MYBL1: variants seen among roughly 807,000 people sequenced by gnomAD.
MYBL1 encodes the protein MYB proto-oncogene like 1, also known as myb-related protein A.
Under a neutral mutation model 96.3 loss-of-function variants are expected in MYBL1, and 17 were observed. That is an observed-to-expected ratio of 0.18 (90% confidence interval 0.12 to 0.26). The LOEUF (loss-of-function observed/expected upper bound fraction) is 0.26, where lower values mean the gene tolerates loss of function less well. MYBL1 is among the 10% of genes least tolerant of loss of function. The pLI, the probability that MYBL1 is intolerant of heterozygous loss-of-function variation, is 1.00. For synonymous variants in MYBL1, 282 were observed against 292.7 expected (o/e 0.96, Z 0.37); for missense variants, 701 against 882.9 (o/e 0.79, Z 2.61).
In MYBL1 at chr8:66,593,168, A is replaced by G; in HGVS notation, c.714T>C (p.Pro238=). 1 of 1,588,372 alleles carries G rather than the reference A, an allele frequency of 6.3e-7. No homozygotes were observed. Residue 238 remains proline (P), a synonymous_variant, in exon 7 of 16, where the codon CCT becomes CCC. Transcript: ENST00000522677. ...GAACATGTTCTATACAATTGCCTTC[A>G]GGTGACACATACTGATACCCAGGGA... is the stretch of plus-strand genomic sequence containing the variant. ...VQIPGYQYVS[P]EGNCIEHVQP...
At chr8:66,565,315 A>G (rs1298415075) in intron 15 of MYBL1, 1 of 152,200 alleles carries the variant, frequency 6.6e-6, no homozygotes, top group Admixed American at 6.6e-5. Flanking sequence ...GTGATCTTCT[A>G]TATAATAACT....
chr8:66,569,047 C>T (rs1163582727), intron 12 of MYBL1, among the ~76,000 whole-genome samples: 1 of 152,038 alleles, frequency 6.6e-6, no homozygotes, highest in Admixed American at 6.6e-5. Flanking sequence ...AAGATTATTT[C>T]ATCACCCAAG....
chr8:66,588,121 T>A (rs1159416401), intron 8 of MYBL1, among the ~76,000 whole-genome samples: 1 of 152,070 alleles, frequency 6.6e-6, no homozygotes, highest in East Asian at 1.9e-4. Context: ...CAGCATGGTT[T>A]TCCTCTCATG....
At position 66,566,766 on chromosome 8, in the gene MYBL1, A is replaced by C. The variant is rs1468039537; in HGVS notation, c.1868T>G (p.Val623Gly). Residue 623 changes from valine (V) to glycine (G), a missense_variant, in exon 14 of 16, where the codon GTC (valine) becomes GGC (glycine). Val to Gly is a moderately radical substitution (Grantham distance 109). Around this residue, in one of 5 missense-constraint regions of MYBL1, gnomAD observed 63 missense variants for 109.2 expected, o/e 0.58. Coordinates refer to ENST00000522677, the MANE Select transcript of MYBL1 (RefSeq NM_001080416.4). ...KQENTASGKK[V>G]RKSLVLDNWE... ...ATTATCTAAGACTAGTGATTTTCTG[A>C]CTTTCTTCCCAGAAGCGGTATTCTA... 20 of 1,609,932 alleles carry C rather than the reference A, an allele frequency of 1.2e-5. No individual in the cohort carries two copies. The highest frequency in any genetic ancestry group is 1.7e-5 in the Non-Finnish European group (20 of 1,177,288).
chr8:66,591,502 G>T (rs1307944789), intron 8 of MYBL1, among the ~76,000 whole-genome samples: 1 of 151,998 alleles, frequency 6.6e-6, no homozygotes, highest in African/African-American at 2.4e-5. Context: ...AGTCTCATCA[G>T]CCAAATCTTA....
chr8:66,602,401 C>A lies in MYBL1; in HGVS notation c.126+17G>T, dbSNP rs752619734. On this transcript the variant is annotated intron_variant, in intron 2 of 15. Transcript: ENST00000522677. ...TAAATACATGTAAGAAACTATGAAA[C>A]CTTGTCAGATAATTACCTCGTCCCT... 7.2e-6 allele frequency: 11 copies of A among 1,536,008 alleles called. No individual in the cohort carries two copies. In the Admixed American group the frequency reaches 1.5e-4, roughly 21 times the overall value.
chr8:66,572,936 C>T (rs1011003860), intron 11 of MYBL1, among the ~76,000 whole-genome samples: 2 of 151,964 alleles, frequency 1.3e-5, no homozygotes, highest in South Asian at 2.1e-4. Flanking sequence ...AAATTCTGGC[C>T]GGCCACAGTG....
chr8:66,576,062 C>G lies in MYBL1; in HGVS notation c.1415G>C (p.Gly472Ala), dbSNP rs745457442. 15 of 1,613,904 alleles carry G rather than the reference C, an allele frequency of 9.3e-6. No homozygotes were observed. The highest frequency in any genetic ancestry group is 1.2e-5 in the Non-Finnish European group (14 of 1,179,848). The change falls in exon 10 of 16, where the codon GGT (glycine) becomes GCT (alanine). Residue 472 changes from glycine to alanine, a missense_variant. Physicochemically the swap from Gly to Ala is moderately conservative, Grantham distance 60. This residue lies in a region of MYBL1 where 396 missense variants were observed against 407.4 expected (regional missense o/e 0.97). Coordinates refer to ENST00000522677, the MANE Select transcript of MYBL1 (RefSeq NM_001080416.4). ...ELRDGSLNDG[G>A]NMALKHTPLK... is the part of the protein sequence containing the mutation. ...TGGTGTATGTTTTAGCGCCATATTA[C>G]CACCATCGTTCAATGAGCCATCCCT... is the stretch of plus-strand genomic sequence containing the variant.
chr8:66,577,246 G>A (rs1365312672), intron 9 of MYBL1, among the ~76,000 whole-genome samples: 1 of 149,438 alleles, frequency 6.7e-6, no homozygotes, highest in Non-Finnish European at 1.5e-5. Flanking sequence ...GGCAGGAGAA[G>A]GAAATAAAGG....
Position 66,566,609 on chromosome 8 carries a change from A to C in MYBL1, c.1950+75T>G, listed in dbSNP as rs1038398679. ...TGAATTTCTAATGAACTGGCTACAC[A>C]ATGAGTAAGAAATAAGAACCTCTAG... On this transcript the variant is annotated intron_variant, in intron 14 of 15. Transcript: ENST00000522677. 5.2e-6 allele frequency: 5 copies of C among 964,844 alleles called. No homozygotes were observed. In the African/African-American group the frequency reaches 6.6e-5, roughly 13 times the overall value. 59.8% of individuals were successfully genotyped at this position (964,844 alleles called of 1,614,324 possible). A position where few individuals can be genotyped will look rare whatever the true frequency, so the allele number is the denominator to read the frequency against.
At chr8:66,570,979 C>G (rs1407081587) in intron 12 of MYBL1, among the ~76,000 whole-genome samples, 1 of 151,964 alleles carries the variant, frequency 6.6e-6, no homozygotes, top group Non-Finnish European at 1.5e-5. Context: ...CCCTTTAACA[C>G]AGTATTTTGA....
At chr8:66,607,867 A>C (rs927179724) in intron 1 of MYBL1, among the ~76,000 whole-genome samples, 1 of 152,136 alleles carries the variant, frequency 6.6e-6, no homozygotes, top group African/African-American at 2.4e-5. Context: ...TGACACCCCA[A>C]ATAGCCCTCA....
At chr8:66,578,829 C>T in intron 9 of MYBL1, among the ~76,000 whole-genome samples, 1 of 152,090 alleles carries the variant, frequency 6.6e-6, no homozygotes, top group African/African-American at 2.4e-5. Context: ...TGGAACCAAC[C>T]CAAATGTCCA....
chr8:66,610,940 A>T (rs1810504208), intron 1 of MYBL1, among the ~76,000 whole-genome samples: 1 of 152,182 alleles, frequency 6.6e-6, no homozygotes, highest in Non-Finnish European at 1.5e-5. Context: ...TCATGTTTAA[A>T]TTAACTTACA....
chr8:66,584,496 A>G (rs1028038721), intron 8 of MYBL1, among the ~76,000 whole-genome samples: 2 of 152,178 alleles, frequency 1.3e-5, no homozygotes, highest in Admixed American at 1.3e-4. Context: ...AAGCTCCTCT[A>G]AAAAAACTCT....
intron 15 of MYBL1, 82 bp downstream of exon 15, chr8:66,565,982 G>T: frequency 1.1e-6 from 1 of 944,670 alleles, no homozygotes; most frequent in Non-Finnish European, 1.6e-6. Flanking sequence ...AAAAGAAAAA[G>T]TATAATTTGT....
chr8:66,613,070 G>T lies in MYBL1; in HGVS notation c.-232C>A. On this transcript the variant is annotated 5_prime_UTR_variant, in exon 1 of 16. Transcript: ENST00000522677. ...GCCGCTCTTAGCCCCGGCCCGGCCCGGCCAGGGATACCCCCAACATGTCAG... is the reference window on the plus strand; with the variant it reads ...GCCGCTCTTAGCCCCGGCCCGGCCCTGCCAGGGATACCCCCAACATGTCAG... 1 of 418,988 alleles carries T rather than the reference G, an allele frequency of 2.4e-6. No homozygotes were observed. Among genetic ancestry groups the T allele is most frequent in the Non-Finnish European group, 4.1e-6 (1 of 242,060 alleles). The allele number at this position is 418,988 out of a possible 1,614,324, so 26.0% of individuals were successfully genotyped here.
intron 4 of MYBL1, among the ~76,000 whole-genome samples, chr8:66,598,717 T>C (rs1300565476): frequency 6.6e-6 from 1 of 152,162 alleles, no homozygotes; most frequent in Non-Finnish European, 1.5e-5. Context: ...GAAAATCTGT[T>C]TTAAAATGTT....
chr8:66,595,482 C>T, intron 6 of MYBL1, 101 bp downstream of exon 6: 1 of 556,896 alleles, frequency 1.8e-6, no homozygotes, highest in Non-Finnish European at 2.8e-6. Flanking sequence ...TCTATTTACC[C>T]CTTAATACGC....
Sources: allele counts gnomAD v4.1 joint callset (sites outside exome capture counted in the v4.1 genomes callset), GRCh38; gene constraint gnomAD v4.1.1; regional missense constraint gnomAD v4.1.1; transcripts MANE v1.5; gene names NCBI Gene and HGNC (gene_info 2026-07-23, HGNC 2026-07-21).